SEMA5B: variants seen among roughly 807,000 people sequenced by gnomAD.
SEMA5B encodes semaphorin-5B.
SEMA5B carries 66 observed loss-of-function variants against 135.0 expected under a neutral mutation model. That is an observed-to-expected ratio of 0.49 (90% CI 0.40 to 0.60). The LOEUF (loss-of-function observed/expected upper bound fraction) is 0.60. SEMA5B is among the 20% of genes least tolerant of loss of function. The pLI, the probability that SEMA5B is intolerant of heterozygous loss-of-function variation, is 0.00. For synonymous variants in SEMA5B, 690 were observed against 639.5 expected (o/e 1.08, Z -1.19); for missense variants, 1,501 against 1,566.3 (o/e 0.96, Z 0.70).
intron 1 of SEMA5B, among the ~76,000 whole-genome samples, chr3:122,999,676 G>A (rs72972429): frequency 0.077 from 11,669 of 152,146 alleles, 1,333 homozygotes; most frequent in African/African-American, 0.25. Flanking sequence ...CCCCAGGGAG[G>A]AGCAGTCATG....
At chr3:122,926,797 C>T in intron 8 of SEMA5B, 120 bp from the exon 9 acceptor site, 1 of 1,161,400 alleles carries the variant, frequency 8.6e-7, no homozygotes, top group Non-Finnish European at 1.2e-6. Context: ...CTTCTCTCTG[C>T]AATCTTGGTG....
At chr3:122,911,103 G>T in intron 21 of SEMA5B, 58 bp from the exon 22 acceptor site, 1 of 1,422,478 alleles carries the variant, frequency 7.0e-7, no homozygotes, top group Non-Finnish European at 9.7e-7. Context: ...ACAGACTCCT[G>T]CCTGCCTCCC....
intron 1 of SEMA5B, among the ~76,000 whole-genome samples, chr3:122,980,208 C>A (rs964031731): frequency 8.5e-5 from 13 of 152,198 alleles, no homozygotes; most frequent in African/African-American, 3.1e-4. Flanking sequence ...CGCCTGTAAT[C>A]CCAGCACTTT....
chr3:122,912,393 G>A (rs1388145998), intron 18 of SEMA5B, 51 bp from the exon 19 acceptor site: 2 of 1,478,708 alleles, frequency 1.4e-6, no homozygotes, highest in Admixed American at 4.5e-5. Context: ...CAGGGCCCAA[G>A]ACGGTCTTCC....
chr3:122,969,502 T>C (rs749270922), intron 1 of SEMA5B, among the ~76,000 whole-genome samples: 4 of 152,232 alleles, frequency 2.6e-5, no homozygotes, highest in Non-Finnish European at 4.4e-5. Flanking sequence ...ATTTTCTTTC[T>C]CTCTCCTGGT....
At chr3:123,003,876 G>C (rs2107768238) in intron 1 of SEMA5B, among the ~76,000 whole-genome samples, 1 of 152,054 alleles carries the variant, frequency 6.6e-6, no homozygotes, top group South Asian at 2.1e-4. Flanking sequence ...TAAAAAGAAA[G>C]TTCTTGAAGT....
intron 1 of SEMA5B, among the ~76,000 whole-genome samples, chr3:123,019,655 A>G (rs560513828): frequency 3.3e-5 from 5 of 152,202 alleles, no homozygotes; most frequent in Non-Finnish European, 7.3e-5. Flanking sequence ...GAGATAATGC[A>G]CATAAAAAGT....
intron 12 of SEMA5B, among the ~76,000 whole-genome samples, chr3:122,917,706 C>T (rs185329575): frequency 3.9e-5 from 6 of 152,334 alleles, no homozygotes; most frequent in Admixed American, 3.9e-4. Context: ...CCGGTGAGCA[C>T]ACTGTGGCCC....
chr3:122,975,956 C>T, intron 1 of SEMA5B: 1 of 1,533,600 alleles, frequency 6.5e-7, no homozygotes. Flanking sequence ...ACCTCCTCAA[C>T]ACATCCCAAA....
chr3:122,934,388 G>A (rs948706395), intron 5 of SEMA5B, among the ~76,000 whole-genome samples: 4 of 152,184 alleles, frequency 2.6e-5, no homozygotes, highest in African/African-American at 7.2e-5. Context: ...AATCTAAATT[G>A]AATGAAGTTT....
At chr3:122,916,911 A>G (rs1002956194) in intron 12 of SEMA5B, among the ~76,000 whole-genome samples, 3 of 152,208 alleles carry the variant, frequency 2.0e-5, no homozygotes, top group East Asian at 1.9e-4. Flanking sequence ...ACTGGTTCAC[A>G]CACTGATGCA....
intron 1 of SEMA5B, among the ~76,000 whole-genome samples, chr3:122,976,795 A>T (rs1229457951): frequency 6.6e-6 from 1 of 152,158 alleles, no homozygotes; most frequent in African/African-American, 2.4e-5. Flanking sequence ...CACACCTGTA[A>T]TTCCAGCACT....
chr3:122,995,285 C>T (rs992489054), intron 1 of SEMA5B, among the ~76,000 whole-genome samples: 12 of 152,096 alleles, frequency 7.9e-5, no homozygotes, highest in African/African-American at 1.2e-4. Flanking sequence ...TCAGCAACAA[C>T]CATCAGAATC....
chr3:122,961,022 A>AG (rs1481498403), intron 2 of SEMA5B, 118 bp downstream of exon 2: 2 of 1,053,038 alleles, frequency 1.9e-6, no homozygotes, highest in African/African-American at 1.6e-5. Context: ...GCTCAAATAC[A>AG]GTGGACTGAG....
intron 4 of SEMA5B, among the ~76,000 whole-genome samples, chr3:122,943,055 G>A (rs979739864): frequency 6.6e-6 from 1 of 152,212 alleles, no homozygotes; most frequent in African/African-American, 2.4e-5. Context: ...CAGGCCGCCG[G>A]CTGGCCGGCA....
intron 1 of SEMA5B, among the ~76,000 whole-genome samples, chr3:123,003,667 T>C (rs1942236369): frequency 6.6e-6 from 1 of 152,004 alleles, no homozygotes; most frequent in Non-Finnish European, 1.5e-5. Flanking sequence ...ACCCCATCTC[T>C]ACTAAAAATA....
In SEMA5B at chr3:122,912,891, C is replaced by A; in HGVS notation, c.2677G>T (p.Val893Leu). ...PEPRNGGLPC[V>L]GDAAEYQDCN... ...TCCTGGTACTCGGCAGCATCGCCCA[C>A]GCAGGGCAGGCCCCCGTTGCGGGGC... The change falls in exon 18 of 23, where the codon GTG (valine) becomes TTG (leucine). Residue 893 changes from valine (V) to leucine (L), a missense_variant. Val to Leu is a conservative substitution (Grantham distance 32). Coordinates refer to ENST00000357599, the MANE Select transcript of SEMA5B (RefSeq NM_001031702.4). The A allele has an allele frequency of 6.2e-7, 1 of 1,609,340 alleles. No homozygotes were observed. The highest frequency in any genetic ancestry group is 1.1e-5 in the South Asian group (1 of 90,598).
chr3:122,976,198 G>C, intron 1 of SEMA5B: 1 of 1,503,110 alleles, frequency 6.7e-7, no homozygotes, highest in Non-Finnish European at 8.9e-7. Flanking sequence ...CTCAAAATGT[G>C]CTCCTAGGAC....
chr3:122,911,592 T>A, intron 20 of SEMA5B, 57 bp from the exon 21 acceptor site: 1 of 1,552,226 alleles, frequency 6.4e-7, no homozygotes, highest in Non-Finnish European at 8.8e-7. Flanking sequence ...AGGGGGGCCC[T>A]GCAGGGTAGG....
Sources: gnomAD v4.1 joint callset for allele counts (sites outside exome capture counted in the v4.1 genomes callset) on GRCh38, gnomAD v4.1.1 for gene constraint, MANE v1.5 for transcripts, NCBI Gene and HGNC (gene_info 2026-07-23, HGNC 2026-07-21) for gene names.